Variants in HIVEP3 observed in about 807,000 individuals in gnomAD.
HIVEP3 encodes HIVEP zinc finger 3.
In HIVEP3, 49 loss-of-function variants were observed where a neutral mutation model predicts 152.8. The observed-to-expected ratio is 0.32, with a 90% confidence interval of 0.26 to 0.41. The LOEUF (loss-of-function observed/expected upper bound fraction) is 0.41, where lower values mean the gene tolerates loss of function less well. Ranked by LOEUF, HIVEP3 falls within the 10% of genes least tolerant of loss-of-function variation. The pLI is 1.00. For missense variants in HIVEP3, 2,790 were observed against 3,103.3 expected, an observed-to-expected ratio of 0.90 and a Z score of 2.40; for synonymous variants, 1,269 against 1,289.0, an observed-to-expected ratio of 0.98 and a Z score of 0.33.
chr1:41,740,559 T>C (rs917857101), intron 1 of HIVEP3, among the ~76,000 whole-genome samples: 1 of 152,206 alleles, frequency 6.6e-6, no homozygotes, highest in African/African-American at 2.4e-5. Context: ...AAAACTGCCA[T>C]ATACAGAGAG....
rs538980517 is a variant in HIVEP3, at chr1:41,557,904, G to A, written c.5207+17640C>T. Among the ~76,000 whole-genome samples the A allele has an allele frequency of 4.5e-4, 69 of 152,302 alleles. 1 individual carries two copies. The highest frequency in any genetic ancestry group is 9.3e-4 in the Non-Finnish European group (63 of 68,010). ...TGGCGAGAACCCCCACCCAGCGAGGGCTCCTCACTTGCACTGAGAAAACAA... is the reference window on the plus strand; with the variant it reads ...TGGCGAGAACCCCCACCCAGCGAGGACTCCTCACTTGCACTGAGAAAACAA... On this transcript the variant is annotated intron_variant, in intron 5 of 8. Transcript: ENST00000372583.
intron 3 of HIVEP3, among the ~76,000 whole-genome samples, chr1:41,608,624 A>G (rs1225742854): frequency 1.3e-5 from 2 of 152,062 alleles, no homozygotes; most frequent in Non-Finnish European, 2.9e-5. Context: ...AATCACTGAG[A>G]CTTCTGGAAT....
At chr1:41,840,690 A>G (rs1226320275) in intron 1 of HIVEP3, among the ~76,000 whole-genome samples, 1 of 152,146 alleles carries the variant, frequency 6.6e-6, no homozygotes, top group African/African-American at 2.4e-5. Flanking sequence ...TCCCTTGGAT[A>G]TTAACCCCTG....
intron 1 of HIVEP3, among the ~76,000 whole-genome samples, chr1:41,954,392 C>T (rs559237540): frequency 5.3e-5 from 8 of 152,328 alleles, no homozygotes; most frequent in South Asian, 2.1e-4. Context: ...TTTTTAAAAA[C>T]GGATTATTAA....
At chr1:41,845,645 A>C (rs1224314739) in intron 1 of HIVEP3, among the ~76,000 whole-genome samples, 1 of 152,170 alleles carries the variant, frequency 6.6e-6, no homozygotes, top group Non-Finnish European at 1.5e-5. Context: ...TACACATTAA[A>C]CTGATATCAC....
intron 1 of HIVEP3, among the ~76,000 whole-genome samples, chr1:41,986,276 T>C (rs1645321995): frequency 6.6e-6 from 1 of 152,178 alleles, no homozygotes; most frequent in Non-Finnish European, 1.5e-5. Context: ...AATAAACTGC[T>C]CAGGTTTTTC....
chr1:41,518,048 G>A (rs1642658212), intron 7 of HIVEP3, among the ~76,000 whole-genome samples: 1 of 152,218 alleles, frequency 6.6e-6, no homozygotes, highest in Admixed American at 6.5e-5. Flanking sequence ...CACATAGTGG[G>A]CACTCAATCA....
intron 2 of HIVEP3, among the ~76,000 whole-genome samples, chr1:41,656,775 T>TA (rs879756368): frequency 1.3e-5 from 2 of 152,100 alleles, no homozygotes; most frequent in Non-Finnish European, 2.9e-5. Flanking sequence ...ACAGAGAACT[T>TA]AAAAATGCAG....
At position 41,757,407 on chromosome 1, in the gene HIVEP3, G is replaced by A. The variant is rs1026334565; in HGVS notation, c.-800-56412C>T. Among the ~76,000 whole-genome samples, 108 of 151,748 alleles carry A rather than the reference G, an allele frequency of 7.1e-4. 4 individuals carry two copies. The highest frequency in any genetic ancestry group is 2.9e-5 in the Non-Finnish European group (2 of 67,958). Reference sequence around the variant, plus strand: ...GCTGGGATTACAGGCGTGAGCCACCGTGCCCGGCCCAAAAAAATATTTTTT... The same window carrying A: ...GCTGGGATTACAGGCGTGAGCCACCATGCCCGGCCCAAAAAAATATTTTTT... On this transcript the variant is annotated intron_variant, in intron 1 of 8. Coordinates refer to ENST00000372583, the MANE Select transcript of HIVEP3 (RefSeq NM_024503.5).
chr1:41,556,811 T>C (rs964198855), intron 5 of HIVEP3, among the ~76,000 whole-genome samples: 5 of 152,362 alleles, frequency 3.3e-5, no homozygotes, highest in Non-Finnish European at 4.4e-5. Context: ...TTCATTTCTG[T>C]ATATGGTGTA....
chr1:41,836,228 C>T (rs890207987), intron 1 of HIVEP3, among the ~76,000 whole-genome samples: 3 of 152,224 alleles, frequency 2.0e-5, no homozygotes, highest in South Asian at 2.1e-4. Flanking sequence ...CCCTCTGCCC[C>T]GCAGACTTGC....
intron 1 of HIVEP3, among the ~76,000 whole-genome samples, chr1:41,984,002 C>T (rs940532863): frequency 1.3e-5 from 2 of 152,182 alleles, no homozygotes; most frequent in Non-Finnish European, 2.9e-5. Flanking sequence ...GACAGCATTT[C>T]GCTCTGTTGC....
intron 1 of HIVEP3, among the ~76,000 whole-genome samples, chr1:41,988,480 T>C (rs546237179): frequency 3.3e-5 from 5 of 152,282 alleles, no homozygotes; most frequent in Non-Finnish European, 7.4e-5. Context: ...TCATCACTAA[T>C]CATCATGGAA....
At chr1:41,955,019 G>A (rs777918277) in intron 1 of HIVEP3, among the ~76,000 whole-genome samples, 8 of 151,694 alleles carry the variant, frequency 5.3e-5, no homozygotes, top group Middle Eastern at 3.4e-3. Flanking sequence ...TGAGGCTGGG[G>A]AGGCTGAATT....
At chr1:41,588,844 G>A (rs1185005070) in intron 3 of HIVEP3, among the ~76,000 whole-genome samples, 1 of 152,060 alleles carries the variant, frequency 6.6e-6, no homozygotes, top group Admixed American at 6.5e-5. Context: ...TTCTGGACTA[G>A]TGCTCTCTGC....
intron 1 of HIVEP3, among the ~76,000 whole-genome samples, chr1:42,012,038 C>A (rs1246828441): frequency 6.6e-6 from 1 of 151,798 alleles, no homozygotes; most frequent in African/African-American, 2.4e-5. Flanking sequence ...CAGTCCACTG[C>A]AAAAAAAGAC....
chr1:41,916,881 C>T (rs755693947), intron 1 of HIVEP3, among the ~76,000 whole-genome samples: 7 of 152,140 alleles, frequency 4.6e-5, no homozygotes, highest in Non-Finnish European at 1.0e-4. Context: ...AGGGGTCCTT[C>T]TCCTGGGTCC....
At chr1:41,749,161 G>T (rs1415409707) in intron 1 of HIVEP3, among the ~76,000 whole-genome samples, 4 of 152,142 alleles carry the variant, frequency 2.6e-5, no homozygotes, top group Non-Finnish European at 4.4e-5. Flanking sequence ...CCCACTAGAA[G>T]GTATAAAGGC....
rs907485617 is a variant in HIVEP3 at position 41,820,295 on chromosome 1, G to A, written c.-801+98118C>T. Among the ~76,000 whole-genome samples the A allele has an allele frequency of 1.7e-4, 26 of 152,220 alleles. No individual in the cohort carries two copies. In the South Asian group the frequency reaches 3.9e-3, roughly 23 times the overall value. On this transcript the variant is annotated intron_variant, in intron 1 of 8. Transcript: ENST00000372583. ...GTACAAACAAGGTCAGAATTGTTACGCTTCATGAACCCCTCTTATCTCTAT... is the reference window on the plus strand; with the variant it reads ...GTACAAACAAGGTCAGAATTGTTACACTTCATGAACCCCTCTTATCTCTAT...
Sources: allele counts gnomAD v4.1 joint callset (sites outside exome capture counted in the v4.1 genomes callset), GRCh38; gene constraint gnomAD v4.1.1; transcripts MANE v1.5; gene names NCBI Gene and HGNC (gene_info 2026-07-23, HGNC 2026-07-21).